The following CARMIL1 variants were observed in gnomAD, a reference collection of about 807,000 sequenced individuals.
The protein encoded by CARMIL1 is capping protein regulator and myosin 1 linker 1.
In CARMIL1, 90 loss-of-function variants were observed where a neutral mutation model predicts 177.1. The observed-to-expected ratio is 0.51, with a 90% CI of 0.43 to 0.61. CARMIL1 has a LOEUF of 0.61. Among genes scored for constraint, CARMIL1 ranks in the 20% least tolerant of loss-of-function variants. The probability of loss-of-function intolerance (pLI) is 0.00; values close to 1 mark genes in which losing one functional copy is unlikely to be tolerated. For missense variants in CARMIL1, 1,380 were observed against 1,667.0 expected (o/e 0.83, Z 3.00); for synonymous variants, 577 against 606.2 (o/e 0.95, Z 0.71).
chr6:25,578,166 T>C (rs1412544267), intron 29 of CARMIL1, among the ~76,000 whole-genome samples: 1 of 152,156 alleles, frequency 6.6e-6, no homozygotes, highest in African/African-American at 2.4e-5. Context: ...GGACACTTTG[T>C]GATTTCTCTG....
intron 9 of CARMIL1, among the ~76,000 whole-genome samples, chr6:25,467,433 T>C (rs1426800431): frequency 6.6e-6 from 1 of 152,228 alleles, no homozygotes; most frequent in Non-Finnish European, 1.5e-5. Context: ...TTCTGGCTCA[T>C]TCAAACATTT....
At chr6:25,310,321 C>T (rs1783691981) in intron 2 of CARMIL1, among the ~76,000 whole-genome samples, 1 of 152,180 alleles carries the variant, frequency 6.6e-6, no homozygotes, top group Non-Finnish European at 1.5e-5. Context: ...AAGGCTGCCC[C>T]TGAGGCCACC....
intron 2 of CARMIL1, among the ~76,000 whole-genome samples, chr6:25,306,898 T>TG (rs1783317076): frequency 6.7e-6 from 1 of 149,980 alleles, no homozygotes; most frequent in South Asian, 2.1e-4. Context: ...TTTTTTTTTT[T>TG]GACGAGTCTC....
chr6:25,526,626 C>A (rs2151092992), intron 23 of CARMIL1, among the ~76,000 whole-genome samples: 1 of 151,930 alleles, frequency 6.6e-6, no homozygotes, highest in East Asian at 1.9e-4. Flanking sequence ...AGTCATGGTT[C>A]ACTATAGCCT....
At position 25,516,873 on chromosome 6, in the gene CARMIL1, A is replaced by G. The variant is rs146951493; in HGVS notation, c.1806-474A>G. 3.8e-3 allele frequency among the ~76,000 whole-genome samples: 577 copies of G among 152,346 alleles called. 3 individuals carry two copies. Among genetic ancestry groups the G allele is most frequent in the African/African-American group, 0.013 (551 of 41,580 alleles). On this transcript the variant is annotated intron_variant, in intron 21 of 36. Transcript: ENST00000329474. ...GGAAATAATGAAAACACAAGGAACT[A>G]TGACAGATTCTCTCTAGTGTTTTAG... is the stretch of plus-strand genomic sequence containing the variant.
At chr6:25,553,908 A>G (rs1252521844) in intron 27 of CARMIL1, 101 bp from the exon 28 acceptor site, 1 of 731,542 alleles carries the variant, frequency 1.4e-6, no homozygotes, top group Non-Finnish European at 2.4e-6. Context: ...AAAGACAGAA[A>G]TGGAATCACA....
chr6:25,597,288 A>T (rs1387651092), intron 32 of CARMIL1, among the ~76,000 whole-genome samples: 3 of 152,064 alleles, frequency 2.0e-5, no homozygotes, highest in African/African-American at 7.2e-5. Context: ...TCCCAATACT[A>T]TCAAAACTCA....
At chr6:25,532,684 G>A (rs1391572080) in intron 24 of CARMIL1, among the ~76,000 whole-genome samples, 2 of 152,182 alleles carry the variant, frequency 1.3e-5, no homozygotes, top group Non-Finnish European at 2.9e-5. Flanking sequence ...GTAACTGGTT[G>A]TATTTGTTTT....
chr6:25,365,910 A>C (rs961247251), intron 2 of CARMIL1, among the ~76,000 whole-genome samples: 1 of 152,180 alleles, frequency 6.6e-6, no homozygotes. Context: ...TGTAGTATTT[A>C]AGAAGATTAG....
intron 26 of CARMIL1, among the ~76,000 whole-genome samples, chr6:25,542,112 T>C (rs1390227185): frequency 6.6e-6 from 1 of 152,230 alleles, no homozygotes; most frequent in East Asian, 1.9e-4. Context: ...ATACTGAAAA[T>C]TGGCTAGAAT....
At chr6:25,394,525 T>C (rs1167433666) in intron 2 of CARMIL1, among the ~76,000 whole-genome samples, 1 of 152,158 alleles carries the variant, frequency 6.6e-6, no homozygotes, top group Non-Finnish European at 1.5e-5. Context: ...CATTTAGGAA[T>C]AGGAAAAATA....
intron 2 of CARMIL1, among the ~76,000 whole-genome samples, chr6:25,290,149 A>G (rs10807001): frequency 0.025 from 3,768 of 152,114 alleles, 81 homozygotes; most frequent in Non-Finnish European, 0.037. Context: ...AAGCTGGAGC[A>G]CAGTGACATG....
chr6:25,292,322 A>G (rs1782036313), intron 2 of CARMIL1, among the ~76,000 whole-genome samples: 1 of 152,230 alleles, frequency 6.6e-6, no homozygotes, highest in Non-Finnish European at 1.5e-5. Flanking sequence ...ATTGAGCTTT[A>G]GAAAACAGCA....
At chr6:25,301,144 G>A (rs180805391) in intron 2 of CARMIL1, among the ~76,000 whole-genome samples, 19 of 152,278 alleles carry the variant, frequency 1.2e-4, no homozygotes, top group African/African-American at 4.3e-4. Flanking sequence ...GGTACGCATC[G>A]ATAGGCTAAC....
intron 2 of CARMIL1, among the ~76,000 whole-genome samples, chr6:25,319,542 C>T (rs1784526245): frequency 6.6e-6 from 1 of 152,042 alleles, no homozygotes; most frequent in East Asian, 1.9e-4. Context: ...TAGGGGAGGG[C>T]AGTGCACACA....
intron 2 of CARMIL1, among the ~76,000 whole-genome samples, chr6:25,384,705 G>A (rs1791977662): frequency 1.3e-5 from 2 of 152,186 alleles, no homozygotes; most frequent in African/African-American, 2.4e-5. Context: ...TCATTGCCTC[G>A]TTCTCAGGGA....
rs146155558 is a variant in CARMIL1, at chr6:25,438,780, G to A, written c.371+3176G>A. Reference sequence around the variant, plus strand: ...CTCGTGGGAAAGAGGTTGGGATTTAGTAGTATTTTCCTGGGAAGCCACTGT... The same window carrying A: ...CTCGTGGGAAAGAGGTTGGGATTTAATAGTATTTTCCTGGGAAGCCACTGT... On this transcript the variant is annotated intron_variant, in intron 5 of 36. Transcript: ENST00000329474. 5.1e-3 allele frequency among the ~76,000 whole-genome samples: 779 copies of A among 152,092 alleles called. 3 individuals carry two copies. Among genetic ancestry groups the A allele is most frequent in the Middle Eastern group, 0.02 (6 of 294 alleles).
At chr6:25,357,534 A>G (rs939818594) in intron 2 of CARMIL1, among the ~76,000 whole-genome samples, 17 of 152,222 alleles carry the variant, frequency 1.1e-4, no homozygotes, top group African/African-American at 3.9e-4. Context: ...CAGTGAACCA[A>G]GATTGTGCCA....
At chr6:25,389,366 TG>T (rs35868119) in intron 2 of CARMIL1, among the ~76,000 whole-genome samples, 3 of 151,734 alleles carry the variant, frequency 2.0e-5, no homozygotes, top group Admixed American at 1.3e-4. Context: ...TTTTGAGATT[TG>T]GGGGGGTCTT....
Sources: allele counts gnomAD v4.1 joint callset (sites outside exome capture counted in the v4.1 genomes callset), GRCh38; gene constraint gnomAD v4.1.1; transcripts MANE v1.5; gene names NCBI Gene and HGNC (gene_info 2026-07-23, HGNC 2026-07-21).